The following CEP83 variants were observed in gnomAD, a reference collection of about 807,000 sequenced individuals.
CEP83 encodes centrosomal protein 83.
A neutral mutation model predicts 101.9 loss-of-function variants in CEP83; 70 were observed. The ratio of observed to expected loss-of-function variants is 0.69; its 90% CI spans 0.57 to 0.84. The LOEUF (loss-of-function observed/expected upper bound fraction) is 0.84, where lower values mean the gene tolerates loss of function less well. Among genes scored for constraint, CEP83 ranks in the 40% least tolerant of loss-of-function variants. CEP83 has a pLI of 0.00. For synonymous variants in CEP83, 264 were observed against 267.9 expected (o/e 0.99, Z 0.14); for missense variants, 715 against 787.2 (o/e 0.91, Z 1.10).
chr12:94,348,546 A>C (rs1364930135), intron 11 of CEP83, among the ~76,000 whole-genome samples: 1 of 152,106 alleles, frequency 6.6e-6, no homozygotes, highest in African/African-American at 2.4e-5. Context: ...AGTGGATTTC[A>C]TACGACTACC....
At chr12:94,327,453 T>C (rs2059019216) in intron 14 of CEP83, among the ~76,000 whole-genome samples, 1 of 152,236 alleles carries the variant, frequency 6.6e-6, no homozygotes, top group Admixed American at 6.5e-5. Context: ...CCTGAGTTTC[T>C]AATTATATTT....
At chr12:94,429,923 GAAAGCA>G (rs763800683) in intron 2 of CEP83, among the ~76,000 whole-genome samples, 26 of 152,186 alleles carry the variant, frequency 1.7e-4, no homozygotes, top group Non-Finnish European at 2.5e-4. Flanking sequence ...TGGTATCACT[GAAAGCA>G]ACTCTGCCCT....
chr12:94,295,897 T>C, the CEP83 span, among the ~76,000 whole-genome samples: 1 of 152,212 alleles, frequency 6.6e-6, no homozygotes, highest in Non-Finnish European at 1.5e-5. Flanking sequence ...GACTTCACCC[T>C]GCACTCTTTA....
intron 15 of CEP83, among the ~76,000 whole-genome samples, chr12:94,310,465 T>C (rs527658317): frequency 2.9e-4 from 44 of 152,236 alleles, no homozygotes; most frequent in African/African-American, 1.1e-3. Flanking sequence ...ACAGAAAGAA[T>C]CAAATAAAAA....
At chr12:94,352,247 C>T (rs2060232323) in intron 11 of CEP83, among the ~76,000 whole-genome samples, 1 of 151,836 alleles carries the variant, frequency 6.6e-6, no homozygotes, top group Admixed American at 6.6e-5. Context: ...ACTGAAACCC[C>T]GTCTCTACTA....
At position 94,450,211 on chromosome 12, in the gene CEP83, G is replaced by A. The variant is rs567975640; in HGVS notation, c.-155+9346C>T. On this transcript the variant is annotated intron_variant, in intron 1 of 16. Transcript: ENST00000397809. ...ATTGAGATTGGAAAGAAAAAGTATC[G>A]TTTTGAGACATGATCATCTATGTAC... is the stretch of plus-strand genomic sequence containing the variant. Among the ~76,000 whole-genome samples the A allele has an allele frequency of 2.0e-3, 307 of 152,238 alleles. 1 individual carries two copies. The highest frequency in any genetic ancestry group is 6.8e-3 in the African/African-American group (281 of 41,548).
the CEP83 span, among the ~76,000 whole-genome samples, chr12:94,271,088 C>T: frequency 3.3e-5 from 5 of 152,172 alleles, no homozygotes; most frequent in Non-Finnish European, 7.3e-5. Context: ...TGTTTCTTCT[C>T]TCTTTAATTC....
rs1392897419 is a variant in CEP83, at chr12:94,328,195, C to A, written c.1707+3505G>T. 3 of 209,712 alleles carry A rather than the reference C, an allele frequency of 1.4e-5. No individual in the cohort carries two copies. The South Asian group carries it at 1.8e-4, about 12-fold the overall frequency. The allele number at this position is 209,712 out of a possible 1,614,324, so 13.0% of individuals were successfully genotyped here. Reference sequence around the variant, plus strand: ...GGTTCCTCAAGAAAAAAGAAAAAAACCCAACTCACTGTGTTCACTTCAAGA... The same window carrying A: ...GGTTCCTCAAGAAAAAAGAAAAAAAACCAACTCACTGTGTTCACTTCAAGA... On this transcript the variant is annotated intron_variant, in intron 14 of 16. Transcript: ENST00000397809.
At chr12:94,396,258 A>G (rs145357746) in intron 6 of CEP83, among the ~76,000 whole-genome samples, 72 of 149,668 alleles carry the variant, frequency 4.8e-4, no homozygotes, top group African/African-American at 1.7e-3. Context: ...ATATGTTCTT[A>G]CAGTCACATG....
At chr12:94,413,825 TACACACACACACACACACAC>T (rs56372938) in intron 2 of CEP83, among the ~76,000 whole-genome samples, 9 of 140,394 alleles carry the variant, frequency 6.4e-5, no homozygotes, top group African/African-American at 2.4e-4. Flanking sequence ...CCATAATACA[TACACACACACACACACACAC>T]ACACACACAC....
At chr12:94,432,546 T>A (rs2065718132) in intron 2 of CEP83, among the ~76,000 whole-genome samples, 1 of 151,994 alleles carries the variant, frequency 6.6e-6, no homozygotes, top group African/African-American at 2.4e-5. Context: ...AAAAAGTTGA[T>A]CTCATGGAGG....
intron 2 of CEP83, among the ~76,000 whole-genome samples, chr12:94,420,696 C>A (rs2064665565): frequency 6.6e-6 from 1 of 152,030 alleles, no homozygotes; most frequent in African/African-American, 2.4e-5. Flanking sequence ...AGACTGGACA[C>A]CCCTGCTATA....
At chr12:94,296,902 G>C in the CEP83 span, among the ~76,000 whole-genome samples, 1 of 152,164 alleles carries the variant, frequency 6.6e-6, no homozygotes, top group Non-Finnish European at 1.5e-5. Context: ...AGGTGTTCTA[G>C]GTACATTTGT....
At chr12:94,442,028 A>C (rs775385920) in intron 1 of CEP83, among the ~76,000 whole-genome samples, 2 of 152,192 alleles carry the variant, frequency 1.3e-5, no homozygotes, top group Non-Finnish European at 2.9e-5. Context: ...AGACACTTGA[A>C]CATGCATGTT....
At chr12:94,395,391 TATG>T (rs1231008445) in intron 6 of CEP83, among the ~76,000 whole-genome samples, 3 of 148,524 alleles carry the variant, frequency 2.0e-5, no homozygotes, top group Non-Finnish European at 3.1e-5. Context: ...TAATCACTAT[TATG>T]ATGAGTTTCC....
rs143886508 is a variant in CEP83, at chr12:94,401,037, A to G, written c.418-56T>C. The G allele has an allele frequency of 7.1e-4, 682 of 954,698 alleles. 8 individuals carry two copies. The East Asian group carries it at 0.02, about 27-fold the overall frequency. The allele number at this position is 954,698 out of a possible 1,614,324, so 59.1% of individuals were successfully genotyped here. On this transcript the variant is annotated intron_variant, in intron 5 of 16. Transcript: ENST00000397809. Reference sequence around the variant, plus strand: ...ATAAACAAAATTCGTACTCACTCCAATAGTCACTTTTACAAATATAATTTT... The same window carrying G: ...ATAAACAAAATTCGTACTCACTCCAGTAGTCACTTTTACAAATATAATTTT...
chr12:94,358,163 A>G (rs1251105827), intron 11 of CEP83, among the ~76,000 whole-genome samples: 1 of 152,212 alleles, frequency 6.6e-6, no homozygotes, highest in Non-Finnish European at 1.5e-5. Context: ...TATATTTTGC[A>G]TTGTGAGGGG....
chr12:94,442,918 T>G lies in CEP83; in HGVS notation c.-154-7591A>C, dbSNP rs1029087432. ...TTCCCCATTTCTAGAGCCATCACAC[T>G]CCAGTGCCGAATCTTAAATATTTTA... is the stretch of plus-strand genomic sequence containing the variant. On this transcript the variant is annotated intron_variant, in intron 1 of 16. Transcript: ENST00000397809. 3.0e-4 allele frequency among the ~76,000 whole-genome samples: 46 copies of G among 152,198 alleles called. 1 individual carries two copies. The highest frequency in any genetic ancestry group is 3.0e-3 in the Admixed American group (46 of 15,276).
In CEP83 at chr12:94,453,320, T is replaced by C. The variant is rs566501484; in HGVS notation, c.-155+6237A>G. Reference sequence around the variant, plus strand: ...TTCAAGAATTGTTTTCCTAGTTTTCTTTGACTAACTTCCTCCGGGCCAAGT... The same window carrying C: ...TTCAAGAATTGTTTTCCTAGTTTTCCTTGACTAACTTCCTCCGGGCCAAGT... On this transcript the variant is annotated intron_variant, in intron 1 of 16. Coordinates refer to ENST00000397809, the MANE Select transcript of CEP83 (RefSeq NM_016122.3). Among the ~76,000 whole-genome samples the C allele has an allele frequency of 9.8e-5, 15 of 152,316 alleles. No homozygotes were observed. In the East Asian group the frequency reaches 2.9e-3, roughly 29 times the overall value.
Sources: allele counts gnomAD v4.1 joint callset (sites outside exome capture counted in the v4.1 genomes callset), GRCh38; gene constraint gnomAD v4.1.1; transcripts MANE v1.5; gene names NCBI Gene and HGNC (gene_info 2026-07-23, HGNC 2026-07-21).